ITGA11: variants seen among roughly 807,000 people sequenced by gnomAD.
ITGA11 encodes integrin subunit alpha 11.
In ITGA11, 97 loss-of-function variants were observed where a neutral mutation model predicts 141.9. The observed-to-expected ratio is 0.68, with a 90% CI of 0.58 to 0.81. ITGA11 has a LOEUF of 0.81. ITGA11 is among the 30% of genes least tolerant of loss of function. The pLI, the probability that ITGA11 is intolerant of heterozygous loss-of-function variation, is 0.00. For missense variants in ITGA11, 1,387 were observed against 1,559.2 expected, an observed-to-expected ratio of 0.89 and a Z score of 1.86; for synonymous variants, 658 against 624.6, an observed-to-expected ratio of 1.05 and a Z score of -0.80.
At chr15:68,367,464 C>T (rs908893165) in intron 3 of ITGA11, among the ~76,000 whole-genome samples, 2 of 152,146 alleles carry the variant, frequency 1.3e-5, no homozygotes, top group African/African-American at 4.8e-5. Context: ...CCGCCCCCAC[C>T]TGTAACCTTC....
intron 2 of ITGA11, among the ~76,000 whole-genome samples, chr15:68,381,177 G>A (rs1009794703): frequency 2.6e-5 from 4 of 152,114 alleles, no homozygotes; most frequent in Middle Eastern, 3.2e-3. Flanking sequence ...TTGAAAATAG[G>A]GATTACCAGG....
At position 68,324,876 on chromosome 15, in the gene ITGA11, C is replaced by T. The variant is rs928183878; in HGVS notation, c.2322+255G>A. Among the ~76,000 whole-genome samples, 11 of 152,274 alleles carry T rather than the reference C, an allele frequency of 7.2e-5. No homozygotes were observed. The highest frequency in any genetic ancestry group is 7.3e-5 in the Non-Finnish European group (5 of 68,028). On this transcript the variant is annotated intron_variant, in intron 18 of 29. Transcript: ENST00000315757. This position sits in a 1 kb window ranked among gnomAD's most constrained non-coding sequence, Gnocchi z 6.3. Reference sequence around the variant, plus strand: ...GGTGCTCACCCTGTGCTCCCCTGTGCTGGGGATACGGGGAAACTTGAACAG... The same window carrying T: ...GGTGCTCACCCTGTGCTCCCCTGTGTTGGGGATACGGGGAAACTTGAACAG...
intron 2 of ITGA11, among the ~76,000 whole-genome samples, chr15:68,392,185 CAGAG>C (rs1896138312): frequency 6.6e-6 from 1 of 152,124 alleles, no homozygotes; most frequent in East Asian, 1.9e-4. Flanking sequence ...AAGGGATAGT[CAGAG>C]AAAGTTTCTC....
chr15:68,380,669 G>A (rs1895838576), intron 2 of ITGA11, among the ~76,000 whole-genome samples: 1 of 152,304 alleles, frequency 6.6e-6, no homozygotes, highest in East Asian at 1.9e-4. Flanking sequence ...AAAAAGGGCT[G>A]GGGCTCACAG....
chr15:68,352,680 T>G (rs944960000), intron 7 of ITGA11, among the ~76,000 whole-genome samples: 2 of 152,242 alleles, frequency 1.3e-5, no homozygotes, highest in Non-Finnish European at 2.9e-5. Flanking sequence ...TTGGGAAACA[T>G]TAAATATCAA....
chr15:68,428,326 C>A (rs1177244065), intron 1 of ITGA11, among the ~76,000 whole-genome samples: 2 of 152,180 alleles, frequency 1.3e-5, no homozygotes, highest in East Asian at 3.9e-4. Context: ...CTCCCCACTA[C>A]AGGAGGGTGG....
intron 1 of ITGA11, among the ~76,000 whole-genome samples, chr15:68,421,899 G>T (rs1897026999): frequency 6.6e-6 from 1 of 152,318 alleles, no homozygotes; most frequent in African/African-American, 2.4e-5. Flanking sequence ...GATGGTAGGG[G>T]CTGCTGGCAA....
At chr15:68,337,963 C>T (rs1248738202) in intron 11 of ITGA11, among the ~76,000 whole-genome samples, 5 of 152,092 alleles carry the variant, frequency 3.3e-5, no homozygotes, top group Admixed American at 3.3e-4. Context: ...GGCTCCAGCT[C>T]CTACACAGTA....
chr15:68,425,532 A>G (rs576170420), intron 1 of ITGA11, among the ~76,000 whole-genome samples: 2 of 152,274 alleles, frequency 1.3e-5, no homozygotes, highest in South Asian at 4.1e-4. Flanking sequence ...GAGGGAATGG[A>G]GACTGCTTTG....
chr15:68,332,576 T>C, intron 12 of ITGA11, 98 bp from the exon 13 acceptor site: 1 of 1,404,224 alleles, frequency 7.1e-7, no homozygotes, highest in Non-Finnish European at 9.5e-7. Context: ...GGTCATCCTT[T>C]GACTCAGAAT....
chr15:68,362,129 A>G (rs1056789133), intron 4 of ITGA11, among the ~76,000 whole-genome samples: 2 of 152,204 alleles, frequency 1.3e-5, no homozygotes, highest in African/African-American at 4.8e-5. Context: ...TTACTGGGCA[A>G]ACTTCTAGGA....
intron 1 of ITGA11, 33 bp from the exon 2 acceptor site, chr15:68,403,062 G>A (rs1896550178): frequency 1.4e-6 from 2 of 1,463,240 alleles, no homozygotes; most frequent in Middle Eastern, 1.7e-4. Flanking sequence ...GAGAAGCAGG[G>A]GAGTCAGACA....
chr15:68,386,041 A>T (rs1471635846), intron 2 of ITGA11, among the ~76,000 whole-genome samples: 2 of 152,116 alleles, frequency 1.3e-5, no homozygotes. Flanking sequence ...TCTTCTGAAG[A>T]TCATGGGAAT....
chr15:68,395,564 A>G (rs777900165), intron 2 of ITGA11, among the ~76,000 whole-genome samples: 8 of 149,610 alleles, frequency 5.3e-5, no homozygotes, highest in African/African-American at 7.5e-5. Context: ...GATCAAGTGT[A>G]TCAGTGATTG....
intron 7 of ITGA11, among the ~76,000 whole-genome samples, chr15:68,351,878 T>C (rs1894922166): frequency 6.6e-6 from 1 of 151,492 alleles, no homozygotes; most frequent in South Asian, 2.1e-4. Flanking sequence ...AGGTTGGGAG[T>C]TCGAGACTAG....
chr15:68,397,441 A>T lies in ITGA11; in HGVS notation c.164+5477T>A, dbSNP rs376696834. 4.6e-4 allele frequency among the ~76,000 whole-genome samples: 2 copies of T among 4,382 alleles called. 1 individual carries two copies. Among genetic ancestry groups the T allele is most frequent in the African/African-American group, 4.8e-3 (2 of 420 alleles). 2.9% of individuals were successfully genotyped at this position (4,382 alleles called of 152,430 possible). ...TATATAAATATTAATATAATAATAA[A>T]TTAATAAAATATAAAATTATTAATA... On this transcript the variant is annotated intron_variant, in intron 2 of 29. Coordinates refer to ENST00000315757, the MANE Select transcript of ITGA11 (RefSeq NM_001004439.2).
chr15:68,343,658 G>A (rs1047106170), intron 10 of ITGA11, among the ~76,000 whole-genome samples: 7 of 152,164 alleles, frequency 4.6e-5, no homozygotes, highest in African/African-American at 9.7e-5. Context: ...AGAGGACACC[G>A]AGGCTGTCCT....
chr15:68,382,491 T>G (rs1339383281), intron 2 of ITGA11, among the ~76,000 whole-genome samples: 1 of 152,198 alleles, frequency 6.6e-6, no homozygotes, highest in African/African-American at 2.4e-5. Flanking sequence ...GACATCCAGC[T>G]TTGGGCTTCC....
rs567662902 is a variant in ITGA11, at chr15:68,325,397, A to G, written c.2212-156T>C. Among the ~76,000 whole-genome samples the G allele has an allele frequency of 1.3e-5, 2 of 151,966 alleles. No homozygotes were observed. Among genetic ancestry groups the G allele is most frequent in the East Asian group, 3.9e-4 (2 of 5,180 alleles). On this transcript the variant is annotated intron_variant, in intron 17 of 29. Coordinates refer to ENST00000315757, the MANE Select transcript of ITGA11 (RefSeq NM_001004439.2). The surrounding 1 kb of genome is among the most constrained non-coding windows in gnomAD (Gnocchi z 5.5). ...AGTCTGCAGGTGGATGGAGGTTTCT[A>G]GCGGGTCTGTTGGTGGGAAGAGTGT...
Sources: allele counts gnomAD v4.1 joint callset (sites outside exome capture counted in the v4.1 genomes callset), GRCh38; gene constraint gnomAD v4.1.1; non-coding constraint Gnocchi (gnomAD v3.1); transcripts MANE v1.5; gene names NCBI Gene and HGNC (gene_info 2026-07-23, HGNC 2026-07-21).